Variants in CCNY observed in about 807,000 individuals in gnomAD.
CCNY encodes cyclin Y, also known as cyclin-Y.
Under a neutral mutation model 42.8 loss-of-function variants are expected in CCNY, and 19 were observed. The ratio of observed to expected loss-of-function variants is 0.44; its 90% confidence interval spans 0.31 to 0.65. CCNY has a LOEUF of 0.65. Among genes scored for constraint, CCNY ranks in the 30% least tolerant of loss-of-function variants. The pLI, the probability that CCNY is intolerant of heterozygous loss-of-function variation, is 0.07. For synonymous variants in CCNY, 165 were observed against 162.7 expected (o/e 1.01, Z -0.11); for missense variants, 370 against 437.3 (o/e 0.85, Z 1.37).
intron 1 of CCNY, among the ~76,000 whole-genome samples, chr10:35,437,490 C>CA (rs1316398168): frequency 1.3e-5 from 2 of 151,970 alleles, no homozygotes; most frequent in African/African-American, 2.4e-5. Context: ...CCTGCCTCTA[C>CA]AAAAAATACG....
In CCNY at chr10:35,561,536, C is replaced by G. The variant is rs113120143; in HGVS notation, c.747-4487C>G. The stretch of plus-strand genomic sequence containing the variant: ...CTGGCAGAGGCAAACAACCCGAGCT[C>G]TCCCTTGGAGCTCCTGAGCAGGGAG... On this transcript the variant is annotated intron_variant, in intron 8 of 9. Coordinates refer to ENST00000374704, the MANE Select transcript of CCNY (RefSeq NM_145012.6). Among the ~76,000 whole-genome samples the G allele has an allele frequency of 3.4e-3, 511 of 152,336 alleles. 4 individuals carry two copies. The highest frequency in any genetic ancestry group is 0.012 in the African/African-American group (481 of 41,558).
rs188111800 is a variant in CCNY, at chr10:35,556,662, A to G, written c.746+3477A>G. 7.9e-5 allele frequency among the ~76,000 whole-genome samples: 12 copies of G among 152,254 alleles called. No individual in the cohort carries two copies. In the East Asian group the frequency reaches 2.1e-3, roughly 27 times the overall value. ...CCTTCTGATAGGGGTAATAGCTGAA[A>G]GGATGCTCTGAACCACACATAAATC... On this transcript the variant is annotated intron_variant, in intron 8 of 9. Coordinates refer to ENST00000374704, the MANE Select transcript of CCNY (RefSeq NM_145012.6).
At chr10:35,430,336 CAAA>C (rs397954370) in intron 1 of CCNY, among the ~76,000 whole-genome samples, 2 of 55,592 alleles carry the variant, frequency 3.6e-5, no homozygotes, top group Admixed American at 2.6e-4. Context: ...GACTCCGTCT[CAAA>C]AAAAAAAAAA....
chr10:35,272,214 T>C (rs945352400), intron 3 of CCNY, among the ~76,000 whole-genome samples: 1 of 151,950 alleles, frequency 6.6e-6, no homozygotes, highest in Admixed American at 6.5e-5. Flanking sequence ...CTCAAACTCC[T>C]GACCTCAGGT....
chr10:35,392,812 C>G (rs370963451), intron 1 of CCNY, among the ~76,000 whole-genome samples: 2 of 152,238 alleles, frequency 1.3e-5, no homozygotes, highest in East Asian at 3.9e-4. Context: ...TTAGTTGTGG[C>G]CATTACAGAG....
chr10:35,335,695 G>GT (rs1836007895), upstream of CCNY, among the ~76,000 whole-genome samples: 1 of 151,910 alleles, frequency 6.6e-6, no homozygotes, highest in South Asian at 2.1e-4. Flanking sequence ...TCTACAAAAA[G>GT]TTAACACACA....
At chr10:35,537,225 G>T (rs976051420) in intron 7 of CCNY, among the ~76,000 whole-genome samples, 2 of 152,198 alleles carry the variant, frequency 1.3e-5, no homozygotes, top group African/African-American at 4.8e-5. Flanking sequence ...AAGAATTGAG[G>T]TTTGCCTAGA....
intron 3 of CCNY, among the ~76,000 whole-genome samples, chr10:35,297,154 TA>T (rs933873694): frequency 7.0e-6 from 1 of 142,936 alleles, no homozygotes; most frequent in Non-Finnish European, 1.6e-5. Context: ...AATACACAAA[TA>T]AAAAAAGAAA....
chr10:35,335,059 C>A (rs553624928), upstream of CCNY, among the ~76,000 whole-genome samples: 1 of 145,826 alleles, frequency 6.9e-6, no homozygotes, highest in African/African-American at 2.6e-5. Flanking sequence ...TCCCAGCTCC[C>A]ACCCCCACCC....
intron 3 of CCNY, chr10:35,251,016 T>C (rs1327920186): frequency 6.6e-6 from 1 of 152,242 alleles, no homozygotes; most frequent in Non-Finnish European, 1.5e-5. Context: ...GCCATGCTAA[T>C]CTTCTCGTAT....
At chr10:35,272,272 C>G (rs1835179498) in intron 3 of CCNY, among the ~76,000 whole-genome samples, 1 of 151,836 alleles carries the variant, frequency 6.6e-6, no homozygotes, top group African/African-American at 2.4e-5. Context: ...CAGGCGTGAG[C>G]CACTGTGCCT....
chr10:35,517,976 C>G (rs913954244), intron 4 of CCNY, among the ~76,000 whole-genome samples: 2 of 152,234 alleles, frequency 1.3e-5, no homozygotes, highest in African/African-American at 4.8e-5. Context: ...TCTGCTCAAT[C>G]TCTGAGGAGC....
intron 1 of CCNY, among the ~76,000 whole-genome samples, chr10:35,422,922 TTTTA>T (rs1186249082): frequency 1.3e-5 from 2 of 152,224 alleles, no homozygotes; most frequent in East Asian, 1.9e-4. Context: ...TAGTATTTGC[TTTTA>T]TTTAAGTGCA....
intron 1 of CCNY, among the ~76,000 whole-genome samples, chr10:35,468,593 C>G (rs1839319672): frequency 1.3e-5 from 2 of 151,886 alleles, no homozygotes; most frequent in South Asian, 4.2e-4. Context: ...AGGGTCTGAT[C>G]TTGATATTTT....
intron 2 of CCNY, among the ~76,000 whole-genome samples, chr10:35,499,466 G>A (rs1840067454): frequency 6.6e-6 from 1 of 152,152 alleles, no homozygotes; most frequent in African/African-American, 2.4e-5. Context: ...ATGAGATTTG[G>A]GTGGGGACAC....
chr10:35,538,569 C>A (rs779420879), intron 7 of CCNY, among the ~76,000 whole-genome samples: 3 of 151,988 alleles, frequency 2.0e-5, no homozygotes, highest in African/African-American at 7.3e-5. Flanking sequence ...GGATTAATGA[C>A]GGTTGAACAT....
chr10:35,279,175 G>A (rs1162147977), intron 3 of CCNY, among the ~76,000 whole-genome samples: 3 of 149,478 alleles, frequency 2.0e-5, no homozygotes, highest in Non-Finnish European at 3.0e-5. Context: ...GAGTGCAGTG[G>A]CACAATTTTG....
chr10:35,336,723 G>A lies in CCNY; in HGVS notation c.-331G>A, dbSNP rs1314539794. ...GCGCGGGGGGGAGGCGGCCTGCGCGGCGCCGCCCGCCATGGCCGCGGCGGG... is the reference window on the plus strand; with the variant it reads ...GCGCGGGGGGGAGGCGGCCTGCGCGACGCCGCCCGCCATGGCCGCGGCGGG... On this transcript the variant is annotated 5_prime_UTR_variant, in exon 1 of 10. Transcript: ENST00000374704. Among the ~76,000 whole-genome samples the A allele has an allele frequency of 2.0e-5, 3 of 147,108 alleles. No individual in the cohort carries two copies. The highest frequency in any genetic ancestry group is 7.3e-5 in the African/African-American group (3 of 40,924).
intron 1 of CCNY, among the ~76,000 whole-genome samples, chr10:35,426,240 C>T (rs913451545): frequency 1.3e-5 from 2 of 151,684 alleles, no homozygotes; most frequent in African/African-American, 2.4e-5. Context: ...CCCATTCACA[C>T]ACACACACAC....
Sources: gnomAD v4.1 joint callset for allele counts (sites outside exome capture counted in the v4.1 genomes callset) on GRCh38, gnomAD v4.1.1 for gene constraint, MANE v1.5 for transcripts, NCBI Gene and HGNC (gene_info 2026-07-23, HGNC 2026-07-21) for gene names.